CCDC14: variants seen among roughly 807,000 people sequenced by gnomAD.
CCDC14 encodes coiled-coil domain containing 14.
In CCDC14, 71 loss-of-function variants were observed where a neutral mutation model predicts 81.4. That is an observed-to-expected ratio of 0.87 (90% confidence interval 0.72 to 1.06). The LOEUF is 1.06. CCDC14 is among the 50% of genes least tolerant of loss of function. CCDC14 has a pLI of 0.00. For missense variants in CCDC14, 1,046 were observed against 1,047.3 expected, an observed-to-expected ratio of 1.00 and a Z score of 0.02; for synonymous variants, 332 against 364.8, an observed-to-expected ratio of 0.91 and a Z score of 1.03.
chr3:123,953,767 C>T (rs1301619511), intron 5 of CCDC14: 1 of 152,192 alleles, frequency 6.6e-6, no homozygotes, highest in African/African-American at 2.4e-5. Context: ...CACTGCTCTT[C>T]TCAAGGTAGC....
At position 123,907,719 on chromosome 3, in the gene CCDC14, TA is replaced by T. The variant is rs796741745; in HGVS notation, c.668-10107del. Among the ~76,000 whole-genome samples the T allele has an allele frequency of 1.5e-3, 215 of 143,322 alleles. 1 individual carries two copies. The highest frequency in any genetic ancestry group is 0.011 in the Middle Eastern group (3 of 282). 94.0% of individuals were successfully genotyped at this position (143,322 alleles called of 152,430 possible). ...GACCTCATCAATAAAAAAAATATAA[TA>T]AAAAAAAAAACCCTTTTCACCTCTG... On this transcript the variant is annotated intron_variant, in intron 5 of 5. Coordinates refer to the CCDC14 transcript ENST00000479903.
the CCDC14 span, among the ~76,000 whole-genome samples, chr3:123,890,270 C>T: frequency 6.6e-5 from 10 of 152,248 alleles, no homozygotes; most frequent in East Asian, 5.8e-4. Flanking sequence ...TATTCTGCCC[C>T]GGCATCTCCC....
At chr3:123,952,736 T>C (rs1308862541) in intron 5 of CCDC14, 8 of 374,532 alleles carry the variant, frequency 2.1e-5, no homozygotes, top group Admixed American at 2.0e-4. Flanking sequence ...AAATAATACA[T>C]GGATACTAGT....
chr3:123,931,776 A>C (rs1214942234), intron 10 of CCDC14, among the ~76,000 whole-genome samples: 1 of 152,224 alleles, frequency 6.6e-6, no homozygotes, highest in Non-Finnish European at 1.5e-5. Flanking sequence ...GAAAGAATAC[A>C]TAATCCTTTT....
intron 9 of CCDC14, 147 bp from the exon 10 acceptor site, chr3:123,933,902 CAAAACA>C (rs973864242): frequency 1.4e-5 from 8 of 588,540 alleles, no homozygotes; most frequent in Non-Finnish European, 2.4e-5. Context: ...ACTAAATAAA[CAAAACA>C]AAAACAAAAC....
chr3:123,897,939 T>C (rs150470150), intron 5 of CCDC14, among the ~76,000 whole-genome samples: 114 of 152,374 alleles, frequency 7.5e-4, no homozygotes, highest in African/African-American at 2.7e-3. Flanking sequence ...ATATTTTATA[T>C]GTAAGACCTC....
chr3:123,957,274 C>T (rs2037382191), intron 1 of CCDC14: 1 of 151,832 alleles, frequency 6.6e-6, no homozygotes, highest in Non-Finnish European at 1.5e-5. Context: ...ATATTTGTTC[C>T]TTAAGTCTAT....
intron 1 of CCDC14, chr3:123,958,258 C>G (rs924428933): frequency 4.6e-5 from 7 of 152,118 alleles, no homozygotes; most frequent in Non-Finnish European, 8.8e-5. Context: ...CACTATAATA[C>G]TATACCCTGG....
intron 9 of CCDC14, among the ~76,000 whole-genome samples, chr3:123,941,071 A>C (rs1461235448): frequency 6.6e-6 from 1 of 151,916 alleles, no homozygotes; most frequent in African/African-American, 2.4e-5. Flanking sequence ...CTCATAGTTG[A>C]GTTTAATATC....
At chr3:123,960,194 T>C (rs989384971) in intron 1 of CCDC14, among the ~76,000 whole-genome samples, 1 of 152,248 alleles carries the variant, frequency 6.6e-6, no homozygotes, top group Non-Finnish European at 1.5e-5. Context: ...TATTTGAGAA[T>C]CATATAAGCA....
At chr3:123,926,077 A>G (rs949787174) in intron 12 of CCDC14, among the ~76,000 whole-genome samples, 6 of 152,178 alleles carry the variant, frequency 3.9e-5, no homozygotes, top group Non-Finnish European at 8.8e-5. Context: ...TTTTCAGTAA[A>G]GGAATACTTA....
intron 1 of CCDC14, 163 bp from the exon 2 acceptor site, chr3:123,956,958 C>T: frequency 2.1e-6 from 1 of 469,088 alleles, no homozygotes; most frequent in Non-Finnish European, 3.8e-6. Context: ...TTCTCCCTGA[C>T]CCTAGCAACT....
Position 123,913,753 on chromosome 3 carries a change from C to A in CCDC14, c.*1026G>T, listed in dbSNP as rs2034510113. 1.0e-6 allele frequency: 1 copy of A among 984,508 alleles called. No individual in the cohort carries two copies. Among genetic ancestry groups the A allele is most frequent in the African/African-American group, 1.7e-5 (1 of 57,150 alleles). The allele number at this position is 984,508 out of a possible 1,614,324, so 61.0% of individuals were successfully genotyped here. A position where few individuals can be genotyped will look rare whatever the true frequency, so the allele number is the denominator to read the frequency against. Reference sequence around the variant, plus strand: ...GGAGAACACTCTTTAATGATAAAGCCTGTCCAAGTACTAAGGACAATTAGA... The same window carrying A: ...GGAGAACACTCTTTAATGATAAAGCATGTCCAAGTACTAAGGACAATTAGA... On this transcript the variant is annotated 3_prime_UTR_variant, in exon 13 of 13. Transcript: ENST00000409697.
In CCDC14 at chr3:123,913,877, T is replaced by G; in HGVS notation, c.*902A>C. ...TACATGAAGGGAGATGATACTGAGCTAAGAAGTCCTGGTATAGAGAAGCAG... is the reference window on the plus strand; with the variant it reads ...TACATGAAGGGAGATGATACTGAGCGAAGAAGTCCTGGTATAGAGAAGCAG... On this transcript the variant is annotated 3_prime_UTR_variant, in exon 13 of 13. Transcript: ENST00000409697. 1 of 985,346 alleles carries G rather than the reference T, an allele frequency of 1.0e-6. No individual in the cohort carries two copies. The highest frequency in any genetic ancestry group is 1.2e-6 in the Non-Finnish European group (1 of 829,890). The allele number at this position is 985,346 out of a possible 1,614,324, so 61.0% of individuals were successfully genotyped here. A position where few individuals can be genotyped will look rare whatever the true frequency, so the allele number is the denominator to read the frequency against.
rs1337298145 is a variant in CCDC14 at position 123,947,330 on chromosome 3, A to AT, written c.685-12dup. Reference sequence around the variant, plus strand: ...ATCAGTTTGAACTTCCTAAAGAAAGATAAAAACAAGTCTTCAGAAGTATGA... The same window carrying AT: ...ATCAGTTTGAACTTCCTAAAGAAAGATTAAAAACAAGTCTTCAGAAGTATGA... On this transcript the variant is annotated splice_polypyrimidine_tract_variant and intron_variant, in intron 7 of 12. Transcript: ENST00000409697. The AT allele has an allele frequency of 1.3e-6, 2 of 1,591,734 alleles. No individual in the cohort carries two copies. Among genetic ancestry groups the AT allele is most frequent in the Non-Finnish European group, 1.7e-6 (2 of 1,168,716 alleles).
chr3:123,910,401 C>T (rs1452665261), downstream of CCDC14, among the ~76,000 whole-genome samples: 10 of 152,028 alleles, frequency 6.6e-5, no homozygotes, highest in Admixed American at 6.5e-4. Context: ...CACTGACAAA[C>T]CGGTGGACAT....
At position 123,914,975 on chromosome 3, in the gene CCDC14, T is replaced by C; in HGVS notation, c.2522A>G (p.Asn841Ser). The change falls in exon 13 of 13, where the codon AAC (asparagine) becomes AGC (serine). Residue 841 changes from asparagine (N) to serine (S), a missense_variant. Physicochemically the swap from Asn to Ser is conservative, Grantham distance 46. Coordinates refer to ENST00000409697, the MANE Select transcript of CCDC14 (RefSeq NM_001366335.1). ...AGTATTGCCTTTCACTTGAAGGCTG[T>C]TGCTAAGACAACCTGATGGGCCATG... ...ACHGPSGCLS[N>S]SLQVKGNTVC... 2.5e-6 allele frequency: 4 copies of C among 1,614,024 alleles called. No individual in the cohort carries two copies. The highest frequency in any genetic ancestry group is 3.4e-6 in the Non-Finnish European group (4 of 1,179,880).
At chr3:123,959,953 T>TA (rs1479019412) in intron 1 of CCDC14, among the ~76,000 whole-genome samples, 18 of 152,004 alleles carry the variant, frequency 1.2e-4, no homozygotes, top group Admixed American at 8.5e-4. Context: ...TTTTCACAAT[T>TA]AAAAAAACAA....
the CCDC14 span, among the ~76,000 whole-genome samples, chr3:123,891,863 A>T: frequency 6.6e-6 from 1 of 152,174 alleles, no homozygotes; most frequent in Non-Finnish European, 1.5e-5. Flanking sequence ...CACAATGCTA[A>T]TATGCTAATA....
Sources: allele counts gnomAD v4.1 joint callset (sites outside exome capture counted in the v4.1 genomes callset), GRCh38; gene constraint gnomAD v4.1.1; transcripts MANE v1.5; gene names NCBI Gene and HGNC (gene_info 2026-07-23, HGNC 2026-07-21).